CTIF: variants seen among roughly 807,000 people sequenced by gnomAD.
The protein encoded by CTIF is CBP80/20-dependent translation initiation factor.
In CTIF, 21 loss-of-function variants were observed where a neutral mutation model predicts 66.0. The ratio of observed to expected loss-of-function variants is 0.32; its 90% confidence interval spans 0.23 to 0.46. The LOEUF (loss-of-function observed/expected upper bound fraction) is 0.46. Ranked by LOEUF, CTIF falls within the 20% of genes least tolerant of loss-of-function variation. CTIF has a pLI of 1.00. For synonymous variants in CTIF, 345 were observed against 326.4 expected (o/e 1.06, Z -0.62); for missense variants, 739 against 812.7 (o/e 0.91, Z 1.10).
intron 1 of CTIF, among the ~76,000 whole-genome samples, chr18:48,569,306 A>G (rs1197082205): frequency 6.6e-6 from 1 of 152,184 alleles, no homozygotes; most frequent in Non-Finnish European, 1.5e-5. Context: ...CTGGAGGAAA[A>G]GGAGAGAACT....
chr18:48,674,980 A>G (rs1459975667), intron 6 of CTIF, among the ~76,000 whole-genome samples: 1 of 151,348 alleles, frequency 6.6e-6, no homozygotes, highest in African/African-American at 2.4e-5. Context: ...GACATGCCAT[A>G]CAATGGCAGC....
intron 9 of CTIF, among the ~76,000 whole-genome samples, chr18:48,796,760 CT>C (rs1219792653): frequency 1.3e-5 from 2 of 152,206 alleles, no homozygotes; most frequent in Non-Finnish European, 2.9e-5. Flanking sequence ...GCTCTTGCCT[CT>C]TTTACATGCT....
intron 10 of CTIF, among the ~76,000 whole-genome samples, chr18:48,849,257 G>A (rs916236027): frequency 3.5e-5 from 5 of 143,964 alleles, no homozygotes; most frequent in Non-Finnish European, 7.4e-5. Context: ...GAGTGCAGTC[G>A]TGAGATCTCG....
At chr18:48,643,163 G>T (rs777166486) in intron 3 of CTIF, among the ~76,000 whole-genome samples, 19 of 152,160 alleles carry the variant, frequency 1.2e-4, no homozygotes, top group Non-Finnish European at 2.2e-4. Context: ...TAAACTTGTG[G>T]GGGCCTAGGG....
At chr18:48,589,414 A>G (rs2089841880) in intron 1 of CTIF, among the ~76,000 whole-genome samples, 1 of 152,072 alleles carries the variant, frequency 6.6e-6, no homozygotes. Flanking sequence ...CTGTGTCCAA[A>G]TTTCCCTCTT....
chr18:48,652,372 T>C (rs905700969), intron 3 of CTIF, among the ~76,000 whole-genome samples: 1 of 152,092 alleles, frequency 6.6e-6, no homozygotes, highest in Non-Finnish European at 1.5e-5. Flanking sequence ...ACAAATAAAC[T>C]AGAAAATCTA....
chr18:48,667,769 TG>T (rs1407999192), intron 5 of CTIF, among the ~76,000 whole-genome samples: 1 of 152,216 alleles, frequency 6.6e-6, no homozygotes, highest in Non-Finnish European at 1.5e-5. Flanking sequence ...GAGAGTCACC[TG>T]GGGTCTCCCA....
chr18:48,859,711 G>A lies in CTIF; in HGVS notation c.*152G>A, dbSNP rs1421557550. The A allele has an allele frequency of 1.4e-6, 1 of 739,418 alleles. No individual in the cohort carries two copies. Among genetic ancestry groups the A allele is most frequent in the Non-Finnish European group, 2.4e-6 (1 of 420,792 alleles). 45.8% of individuals were successfully genotyped at this position (739,418 alleles called of 1,614,324 possible). The stretch of plus-strand genomic sequence containing the variant: ...CGGTGGCCAGTCTGGAGCCAGACGG[G>A]GAAGGGAGCAAATCCCTGAGAGGAG... On this transcript the variant is annotated 3_prime_UTR_variant, in exon 12 of 12. Coordinates refer to ENST00000256413, the MANE Select transcript of CTIF (RefSeq NM_014772.3).
intron 1 of CTIF, among the ~76,000 whole-genome samples, chr18:48,586,923 A>ATCC (rs1228678376): frequency 6.6e-6 from 1 of 152,088 alleles, no homozygotes; most frequent in Non-Finnish European, 1.5e-5. Context: ...ATACAGCACC[A>ATCC]TCCTAAGTTT....
intron 1 of CTIF, among the ~76,000 whole-genome samples, chr18:48,573,993 C>A (rs1323878581): frequency 6.6e-6 from 1 of 152,236 alleles, no homozygotes; most frequent in African/African-American, 2.4e-5. Context: ...TACAGGTCAC[C>A]TTCCACGGAG....
chr18:48,736,199 G>T (rs1051493497), intron 7 of CTIF, among the ~76,000 whole-genome samples: 2 of 152,160 alleles, frequency 1.3e-5, no homozygotes, highest in African/African-American at 4.8e-5. Context: ...ATTCCGTCCC[G>T]CATAGCCCCA....
In CTIF at chr18:48,646,273, C is replaced by A. The variant is rs375923658; in HGVS notation, c.252+9588C>A. Among the ~76,000 whole-genome samples the A allele has an allele frequency of 4.4e-3, 671 of 152,246 alleles. 9 individuals carry two copies. The highest frequency in any genetic ancestry group is 0.016 in the African/African-American group (644 of 41,536). On this transcript the variant is annotated intron_variant, in intron 3 of 11. Coordinates refer to ENST00000256413, the MANE Select transcript of CTIF (RefSeq NM_014772.3). ...ATAAAGTGACATTTTTCACTGAAGA[C>A]GTTTTTCCCTGAAGGTGATGTACAG... is the stretch of plus-strand genomic sequence containing the variant.
intron 8 of CTIF, chr18:48,760,070 A>ATT (rs1447782140): frequency 2.0e-5 from 3 of 151,638 alleles, no homozygotes; most frequent in Non-Finnish European, 4.4e-5. Context: ...TGGGGTGGGG[A>ATT]TTTGTGTCCT....
chr18:48,560,520 C>T (rs912425425), intron 1 of CTIF, among the ~76,000 whole-genome samples: 27 of 151,866 alleles, frequency 1.8e-4, no homozygotes, highest in Non-Finnish European at 2.9e-4. Flanking sequence ...CCACCACGCC[C>T]GGCTTGGAGG....
At chr18:48,658,654 G>A (rs1360542216) in intron 3 of CTIF, among the ~76,000 whole-genome samples, 5 of 152,104 alleles carry the variant, frequency 3.3e-5, no homozygotes, top group Non-Finnish European at 5.9e-5. Flanking sequence ...TTATGTGGAT[G>A]TGTGTGGATG....
chr18:48,765,627 C>T (rs1409333556), intron 9 of CTIF, among the ~76,000 whole-genome samples: 1 of 152,200 alleles, frequency 6.6e-6, no homozygotes, highest in Non-Finnish European at 1.5e-5. Context: ...GGTGCAGCCC[C>T]CATGGAGTGG....
At chr18:48,567,153 A>G (rs1193437554) in intron 1 of CTIF, 2 of 152,190 alleles carry the variant, frequency 1.3e-5, no homozygotes, top group South Asian at 4.1e-4. Context: ...GTCTTTCTTT[A>G]AAGAAAGATC....
chr18:48,845,471 T>G (rs1436391074), intron 10 of CTIF, among the ~76,000 whole-genome samples: 1 of 152,252 alleles, frequency 6.6e-6, no homozygotes, highest in Non-Finnish European at 1.5e-5. Context: ...CCTCCTGTTC[T>G]GCTTAACTCT....
chr18:48,859,864 TC>T lies in CTIF; in HGVS notation c.*310del, dbSNP rs1335455173. 1.8e-6 allele frequency: 1 copy of T among 567,130 alleles called. No individual in the cohort carries two copies. Among genetic ancestry groups the T allele is most frequent in the Non-Finnish European group, 3.4e-6 (1 of 298,386 alleles). The allele number at this position is 567,130 out of a possible 1,614,324, so 35.1% of individuals were successfully genotyped here. A position where few individuals can be genotyped will look rare whatever the true frequency, so the allele number is the denominator to read the frequency against. On this transcript the variant is annotated 3_prime_UTR_variant, in exon 12 of 12. Coordinates refer to ENST00000256413, the MANE Select transcript of CTIF (RefSeq NM_014772.3). ...GCCTCTCCCCTCCCCATCAGACCCATCCCCCACGGAGCTTTGTGTGAGGGAT... is the reference window on the plus strand; with the variant it reads ...GCCTCTCCCCTCCCCATCAGACCCATCCCCACGGAGCTTTGTGTGAGGGAT...
Sources: allele counts gnomAD v4.1 joint callset (sites outside exome capture counted in the v4.1 genomes callset), GRCh38; gene constraint gnomAD v4.1.1; transcripts MANE v1.5; gene names NCBI Gene and HGNC (gene_info 2026-07-23, HGNC 2026-07-21).